The following SRPK1 variants were observed in gnomAD, a reference collection of about 807,000 sequenced individuals.
SRPK1 encodes the protein SRSF protein kinase 1, also known as SFRS protein kinase 1.
A neutral mutation model predicts 89.5 loss-of-function variants in SRPK1; 52 were observed. The observed-to-expected ratio is 0.58, with a 90% CI of 0.46 to 0.73. The LOEUF (loss-of-function observed/expected upper bound fraction) is 0.73, where lower values mean the gene tolerates loss of function less well. Among genes scored for constraint, SRPK1 ranks in the 30% least tolerant of loss-of-function variants. The pLI is 0.00. For synonymous variants in SRPK1, 255 were observed against 270.2 expected, an observed-to-expected ratio of 0.94 and a Z score of 0.55; for missense variants, 603 against 780.6, an observed-to-expected ratio of 0.77 and a Z score of 2.71.
At chr6:35,891,176 G>T in intron 2 of SRPK1, 163 bp from the exon 3 acceptor site, 1 of 757,360 alleles carries the variant, frequency 1.3e-6, no homozygotes, top group Non-Finnish European at 1.9e-6. Flanking sequence ...CCTCATGTTA[G>T]AAAAATACTT....
intron 3 of SRPK1, among the ~76,000 whole-genome samples, chr6:35,889,284 CAG>C (rs1301115676): frequency 2.0e-5 from 3 of 149,314 alleles, no homozygotes; most frequent in Admixed American, 6.7e-5. Context: ...TTTTAGGAGA[CAG>C]AATAATTCTG....
At position 35,887,886 on chromosome 6, in the gene SRPK1, C is replaced by T. The variant is rs1420304942; in HGVS notation, c.390+138G>A. On this transcript the variant is annotated intron_variant, in intron 5 of 15. Transcript: ENST00000373825. ...TGGTATGTGTAAATATTGTTGTCTT[C>T]CTTTACCTCTTTAAGGTTACTAGAA... The T allele has an allele frequency of 8.6e-5, 47 of 546,402 alleles. No individual in the cohort carries two copies. In the East Asian group the frequency reaches 1.5e-3, roughly 18 times the overall value. 33.8% of individuals were successfully genotyped at this position (546,402 alleles called of 1,614,324 possible). A position where few individuals can be genotyped will look rare whatever the true frequency, so the allele number is the denominator to read the frequency against.
rs778834881 is a variant in SRPK1 at position 35,872,650 on chromosome 6, A to C, written c.664T>G (p.Ser222Ala). 1 of 1,612,630 alleles carries C rather than the reference A, an allele frequency of 6.2e-7. No homozygotes were observed. Among genetic ancestry groups the C allele is most frequent in the South Asian group, 1.1e-5 (1 of 90,578 alleles). ...CTCCGAATGTACTGCTCATTCACTGACAATAAGATGTTCTCTGGTTTAATG... is the reference window on the plus strand; with the variant it reads ...CTCCGAATGTACTGCTCATTCACTGCCAATAAGATGTTCTCTGGTTTAATG... ...TDIKPENILL[S>A]VNEQYIRRLA... Residue 222 changes from serine to alanine, a missense_variant, in exon 8 of 16, where the codon TCA (serine) becomes GCA (alanine). Transcript: ENST00000373825.
intron 2 of SRPK1, among the ~76,000 whole-genome samples, chr6:35,911,009 C>T (rs1770948758): frequency 6.6e-6 from 1 of 152,188 alleles, no homozygotes; most frequent in Non-Finnish European, 1.5e-5. Context: ...GTTTCCATGC[C>T]TACTGACATA....
Position 35,872,721 on chromosome 6 carries a change from TG to T in SRPK1, c.592del (p.Gln198ArgfsTer26). On this transcript the variant is annotated frameshift_variant, in exon 8 of 16. Coordinates refer to ENST00000373825, the MANE Select transcript of SRPK1 (RefSeq NM_003137.5). LOFTEE classifies it high-confidence loss of function. ...CVKKIIQQVL[Q>X]GLDYLHTKCR... ...CTTGGTATGTAAATAATCAAGACCC[TG>T]TAACACCTGAATGGAAATAGAGTGG... is the stretch of plus-strand genomic sequence containing the variant. 1 of 1,601,512 alleles carries T rather than the reference TG, an allele frequency of 6.2e-7. No homozygotes were observed. The highest frequency in any genetic ancestry group is 8.5e-7 in the Non-Finnish European group (1 of 1,174,850).
chr6:35,856,264 G>C (rs1185330871), intron 13 of SRPK1, among the ~76,000 whole-genome samples: 1 of 152,146 alleles, frequency 6.6e-6, no homozygotes, highest in South Asian at 2.1e-4. Context: ...TGCCAGGAGG[G>C]TGAAAGTCCT....
chr6:35,892,045 A>G (rs1284966702), intron 2 of SRPK1, among the ~76,000 whole-genome samples: 1 of 152,186 alleles, frequency 6.6e-6, no homozygotes, highest in African/African-American at 2.4e-5. Context: ...GTGGCCATGA[A>G]TGCTTCGCTT....
chr6:35,885,292 CACACACAGAGAGAGAG>C (rs1561985876), intron 6 of SRPK1, among the ~76,000 whole-genome samples: 2 of 135,228 alleles, frequency 1.5e-5, no homozygotes, highest in Non-Finnish European at 3.2e-5. Context: ...CACACACACA[CACACACAGAGAGAGAG>C]AGAGAGAGAG....
chr6:35,914,062 A>G (rs1207290686), intron 2 of SRPK1, among the ~76,000 whole-genome samples: 1 of 129,964 alleles, frequency 7.7e-6, no homozygotes. Flanking sequence ...TGCAACCTCC[A>G]CCTCCCAGGT....
chr6:35,878,918 C>T (rs1341692748), intron 6 of SRPK1, among the ~76,000 whole-genome samples: 2 of 152,120 alleles, frequency 1.3e-5, no homozygotes, highest in African/African-American at 2.4e-5. Context: ...TGGTGAAACG[C>T]TGTCTCTATT....
chr6:35,876,752 A>G (rs1424199112), intron 6 of SRPK1, among the ~76,000 whole-genome samples: 2 of 152,194 alleles, frequency 1.3e-5, no homozygotes, highest in Non-Finnish European at 2.9e-5. Context: ...AAACAGACCA[A>G]ATACAAAAAC....
At chr6:35,846,620 A>G (rs1323444812) in intron 13 of SRPK1, among the ~76,000 whole-genome samples, 1 of 152,122 alleles carries the variant, frequency 6.6e-6, no homozygotes, top group African/African-American at 2.4e-5. Context: ...ATTATAATGA[A>G]TACCACAGAA....
rs146463712 is a variant in SRPK1 at position 35,894,851 on chromosome 6, A to T, written c.75-3838T>A. On this transcript the variant is annotated intron_variant, in intron 2 of 15. Coordinates refer to ENST00000373825, the MANE Select transcript of SRPK1 (RefSeq NM_003137.5). ...CCCATTCATCTTCTCTGAAGAAGTT[A>T]CTTAAAGTCAAGAAAACAAAGCAGT... is the stretch of plus-strand genomic sequence containing the variant. 4.5e-3 allele frequency among the ~76,000 whole-genome samples: 693 copies of T among 152,314 alleles called. 6 individuals carry two copies. The highest frequency in any genetic ancestry group is 0.015 in the African/African-American group (642 of 41,568).
chr6:35,909,263 G>T (rs946557498), intron 2 of SRPK1, among the ~76,000 whole-genome samples: 1 of 152,238 alleles, frequency 6.6e-6, no homozygotes, highest in South Asian at 2.1e-4. Flanking sequence ...GAGACACAGA[G>T]TCAAAGGAGA....
At chr6:35,849,019 T>C (rs1769481131) in intron 13 of SRPK1, among the ~76,000 whole-genome samples, 2 of 152,062 alleles carry the variant, frequency 1.3e-5, no homozygotes, top group Non-Finnish European at 2.9e-5. Context: ...AAAACTTCTG[T>C]ACAGCAAAGG....
At position 35,888,084 on chromosome 6, in the gene SRPK1, T is replaced by C. The variant is rs1335874443; in HGVS notation, c.330A>G (p.Val110=). The change falls in exon 5 of 16, where the codon GTA becomes GTG. Residue 110 remains valine (V), a synonymous_variant. Transcript: ENST00000373825. ...CAGTGTAATGTTCAGCACTTTTAAC[T>C]ACTTTCATTGCCACAAATTTCTTCC... ...IQGKKFVAMK[V]VKSAEHYTET... The C allele has an allele frequency of 1.2e-6, 2 of 1,607,282 alleles. No individual in the cohort carries two copies. Among genetic ancestry groups the C allele is most frequent in the Non-Finnish European group, 1.7e-6 (2 of 1,178,184 alleles).
chr6:35,901,923 T>C (rs1770752329), intron 2 of SRPK1, among the ~76,000 whole-genome samples: 1 of 152,126 alleles, frequency 6.6e-6, no homozygotes, highest in Non-Finnish European at 1.5e-5. Context: ...GGTCTAACAA[T>C]ATAAAAATAA....
At chr6:35,907,778 C>A (rs1219269286) in intron 2 of SRPK1, among the ~76,000 whole-genome samples, 1 of 152,062 alleles carries the variant, frequency 6.6e-6, no homozygotes, top group African/African-American at 2.4e-5. Context: ...AGAGGAACAG[C>A]CTTGATATAG....
chr6:35,856,960 T>A, intron 13 of SRPK1: 1 of 267,062 alleles, frequency 3.7e-6, no homozygotes. Context: ...AAGATACTTG[T>A]AATCTCCTAA....
Sources: gnomAD v4.1 joint callset for allele counts (sites outside exome capture counted in the v4.1 genomes callset) on GRCh38, gnomAD v4.1.1 for gene constraint, MANE v1.5 for transcripts, NCBI Gene and HGNC (gene_info 2026-07-23, HGNC 2026-07-21) for gene names.